ACTN2: variants seen among roughly 807,000 people sequenced by gnomAD.
The protein encoded by ACTN2 is actinin alpha 2, also known as alpha-actinin-2.
In ACTN2, 39 loss-of-function variants were observed where a neutral mutation model predicts 113.8. The ratio of observed to expected loss-of-function variants is 0.34; its 90% CI spans 0.27 to 0.45. The LOEUF (loss-of-function observed/expected upper bound fraction) is 0.45, where lower values mean the gene tolerates loss of function less well. Ranked by LOEUF, ACTN2 falls within the 20% of genes least tolerant of loss-of-function variation. ACTN2 has a pLI of 1.00. For synonymous variants in ACTN2, 429 were observed against 444.1 expected (o/e 0.97, Z 0.43); for missense variants, 992 against 1,177.9 (o/e 0.84, Z 2.31).
intron 12 of ACTN2, among the ~76,000 whole-genome samples, chr1:236,746,626 A>C (rs1659246740): frequency 6.6e-6 from 1 of 151,754 alleles, no homozygotes; most frequent in Admixed American, 6.6e-5. Context: ...GGATCACTTG[A>C]GCCTAAGAGT....
chr1:236,698,517 A>G (rs1657584178), intron 1 of ACTN2, among the ~76,000 whole-genome samples: 1 of 152,228 alleles, frequency 6.6e-6, no homozygotes, highest in East Asian at 1.9e-4. Flanking sequence ...CAGATTAGAA[A>G]AATACAAACC....
At chr1:236,750,950 A>G (rs941625931) in intron 14 of ACTN2, among the ~76,000 whole-genome samples, 1 of 151,796 alleles carries the variant, frequency 6.6e-6, no homozygotes, top group Non-Finnish European at 1.5e-5. Flanking sequence ...TTAGCCAGGC[A>G]TCATGATGTA....
Position 236,737,297 on chromosome 1 carries a change from GCATATATA to G in ACTN2, c.876+84_876+91del, listed in dbSNP as rs1396336974. 1.0e-3 allele frequency: 327 copies of G among 322,218 alleles called. 73 individuals carry two copies. The highest frequency in any genetic ancestry group is 5.0e-3 in the Middle Eastern group (6 of 1,196). 20.0% of individuals were successfully genotyped at this position (322,218 alleles called of 1,614,324 possible). ...GAGGGTGAAAAAATACTCCGTGGGG[GCATATATA>G]TATATATATATATTTTGCATTTTTC... On this transcript the variant is annotated intron_variant, in intron 9 of 20. Coordinates refer to ENST00000366578, the MANE Select transcript of ACTN2 (RefSeq NM_001103.4).
intron 15 of ACTN2, 95 bp from the exon 16 acceptor site, chr1:236,753,852 C>A: frequency 2.7e-5 from 21 of 766,638 alleles, no homozygotes; most frequent in Non-Finnish European, 4.2e-5. Flanking sequence ...CTTCTCCACT[C>A]CCACCCCCAC....
intron 19 of ACTN2, 147 bp downstream of exon 19, chr1:236,759,936 C>A: frequency 1.3e-6 from 1 of 750,162 alleles, no homozygotes. Flanking sequence ...GAAGGTCTCA[C>A]TGTTATTATA....
chr1:236,711,868 G>A (rs760460571), intron 1 of ACTN2, among the ~76,000 whole-genome samples: 6 of 152,204 alleles, frequency 3.9e-5, no homozygotes, highest in Non-Finnish European at 8.8e-5. Flanking sequence ...GGAGGTTGGA[G>A]GGTTCTGCAT....
At chr1:236,719,138 T>A in intron 3 of ACTN2, 125 bp downstream of exon 3, 1 of 1,385,152 alleles carries the variant, frequency 7.2e-7, no homozygotes, top group South Asian at 1.2e-5. Context: ...TGTATCAGGC[T>A]CTCTCTTAGG....
At position 236,763,508 on chromosome 1, in the gene ACTN2, A is replaced by G. The variant is rs964907928; in HGVS notation, c.*889A>G. ...AGGTTTCTGTAGTACTGACTGGTTC[A>G]TCACAAGGCAAGTCAGAAACCAGTA... On this transcript the variant is annotated 3_prime_UTR_variant, in exon 21 of 21. Transcript: ENST00000366578. 7 of 152,242 alleles carry G rather than the reference A, an allele frequency of 4.6e-5. No homozygotes were observed. The highest frequency in any genetic ancestry group is 1.7e-4 in the African/African-American group (7 of 41,464). 9.4% of individuals were successfully genotyped at this position (152,242 alleles called of 1,614,324 possible).
chr1:236,686,662 CA>C lies in ACTN2; in HGVS notation c.-10del. The C allele has an allele frequency of 6.4e-7, 1 of 1,550,988 alleles. No homozygotes were observed. Among genetic ancestry groups the C allele is most frequent in the Non-Finnish European group, 8.7e-7 (1 of 1,148,650 alleles). ...CCTCGCGCCCCGCCGCAGCCCCGGC[CA>C]ACCGAGCGCCATGAACCAGATAGAG... On this transcript the variant is annotated 5_prime_UTR_variant, in exon 1 of 21. Transcript: ENST00000366578.
In ACTN2 at chr1:236,686,666, C is replaced by T. The variant is rs758365969; in HGVS notation, c.-8C>T. Reference sequence around the variant, plus strand: ...GCGCCCCGCCGCAGCCCCGGCCAACCGAGCGCCATGAACCAGATAGAGCCC... The same window carrying T: ...GCGCCCCGCCGCAGCCCCGGCCAACTGAGCGCCATGAACCAGATAGAGCCC... On this transcript the variant is annotated 5_prime_UTR_variant, in exon 1 of 21. Coordinates refer to ENST00000366578, the MANE Select transcript of ACTN2 (RefSeq NM_001103.4). 1 of 1,554,770 alleles carries T rather than the reference C, an allele frequency of 6.4e-7. No homozygotes were observed. The highest frequency in any genetic ancestry group is 8.7e-7 in the Non-Finnish European group (1 of 1,150,614).
intron 1 of ACTN2, among the ~76,000 whole-genome samples, chr1:236,717,589 A>G (rs1658260356): frequency 6.6e-6 from 1 of 152,222 alleles, no homozygotes; most frequent in Non-Finnish European, 1.5e-5. Flanking sequence ...ATACAGGTAT[A>G]AATGTGGTGT....
Position 236,754,003 on chromosome 1 carries a change from G to A in ACTN2, c.1896G>A (p.Gln632=). The A allele has an allele frequency of 6.2e-7, 1 of 1,614,212 alleles. No individual in the cohort carries two copies. Among genetic ancestry groups the A allele is most frequent in the Admixed American group, 1.7e-5 (1 of 60,030 alleles). ...CCCTGCAGGAGGAGCTGGCTCGCCA[G>A]CATGCTAACGAGCGTCTGAGGCGCC... ...DQSLQEELAR[Q]HANERLRRQF... The change falls in exon 16 of 21, where the codon CAG becomes CAA. Residue 632 remains glutamine, a synonymous_variant. Transcript: ENST00000366578. This position sits in a 1 kb window ranked among gnomAD's most constrained non-coding sequence, Gnocchi z 4.9.
At chr1:236,700,314 C>T (rs1056117719) in intron 1 of ACTN2, among the ~76,000 whole-genome samples, 1 of 152,138 alleles carries the variant, frequency 6.6e-6, no homozygotes, top group South Asian at 2.1e-4. Context: ...TCCCGAGTAG[C>T]TGGGATTACA....
chr1:236,748,558 G>T (rs7518515), intron 13 of ACTN2, among the ~76,000 whole-genome samples: 9 of 152,122 alleles, frequency 5.9e-5, no homozygotes, highest in Non-Finnish European at 1.3e-4. Flanking sequence ...GGAAACAAGC[G>T]CAGGATCATC....
chr1:236,717,542 T>C (rs752201125), intron 1 of ACTN2, among the ~76,000 whole-genome samples: 3 of 152,194 alleles, frequency 2.0e-5, no homozygotes, highest in Admixed American at 6.5e-5. Flanking sequence ...ATTTAATCTA[T>C]CTTTTCTACA....
intron 1 of ACTN2, among the ~76,000 whole-genome samples, chr1:236,695,612 T>C (rs1391771651): frequency 9.0e-6 from 1 of 111,042 alleles, no homozygotes; most frequent in Non-Finnish European, 1.7e-5. Context: ...ATAAAGAAAA[T>C]TCCAAGTTCA....
intron 1 of ACTN2, among the ~76,000 whole-genome samples, chr1:236,703,746 A>G (rs757643047): frequency 1.9e-4 from 29 of 152,008 alleles, no homozygotes; most frequent in African/African-American, 6.3e-4. Flanking sequence ...TTGAATTGCA[A>G]ACTAGCTTCA....
chr1:236,694,934 C>T (rs1457607559), intron 1 of ACTN2, among the ~76,000 whole-genome samples: 6 of 151,948 alleles, frequency 3.9e-5, no homozygotes, highest in South Asian at 2.1e-4. Flanking sequence ...GGTATGGTGG[C>T]GTGTGCTTGT....
In ACTN2 at chr1:236,709,247, TATATATATACACAC is replaced by T. The variant is rs1344768469; in HGVS notation, c.127-8609_127-8596del. ...ATATATATATATATATATATATATA[TATATATATACACAC>T]ACACACACACATATATATGTATATA... On this transcript the variant is annotated intron_variant, in intron 1 of 20. Coordinates refer to ENST00000366578, the MANE Select transcript of ACTN2 (RefSeq NM_001103.4). 3.3e-5 allele frequency among the ~76,000 whole-genome samples: 3 copies of T among 89,894 alleles called. 1 individual carries two copies. Among genetic ancestry groups the T allele is most frequent in the African/African-American group, 1.1e-4 (3 of 28,396 alleles). 59.0% of individuals were successfully genotyped at this position (89,894 alleles called of 152,430 possible). A position where few individuals can be genotyped will look rare whatever the true frequency, so the allele number is the denominator to read the frequency against.
Sources: gnomAD v4.1 joint callset for allele counts (sites outside exome capture counted in the v4.1 genomes callset) on GRCh38, gnomAD v4.1.1 for gene constraint, Gnocchi (gnomAD v3.1) non-coding constraint, MANE v1.5 for transcripts, NCBI Gene and HGNC (gene_info 2026-07-23, HGNC 2026-07-21) for gene names.